The following UBE2E3 variants were observed in gnomAD, a reference collection of about 807,000 sequenced individuals.
UBE2E3 encodes ubiquitin-conjugating enzyme E2 E3.
UBE2E3 carries 5 observed loss-of-function variants against 23.6 expected under a neutral mutation model. That is an observed-to-expected ratio of 0.21 (90% CI 0.11 to 0.44). The LOEUF (loss-of-function observed/expected upper bound fraction) is 0.44. Ranked by LOEUF, UBE2E3 falls within the 20% of genes least tolerant of loss-of-function variation. The probability of loss-of-function intolerance (pLI) is 0.99; values close to 1 mark genes in which losing one functional copy is unlikely to be tolerated. For synonymous variants in UBE2E3, 78 were observed against 87.5 expected (o/e 0.89, Z 0.60); for missense variants, 81 against 249.8 (o/e 0.32, Z 4.55).
chr2:180,993,654 A>G (rs1684739063), intron 3 of UBE2E3, among the ~76,000 whole-genome samples: 1 of 152,144 alleles, frequency 6.6e-6, no homozygotes, highest in Middle Eastern at 3.4e-3. Flanking sequence ...GAGGATGGTT[A>G]TTTGTAGTTA....
chr2:181,052,722 T>C (rs749715531), intron 3 of UBE2E3, among the ~76,000 whole-genome samples: 36 of 150,590 alleles, frequency 2.4e-4, no homozygotes, highest in Non-Finnish European at 4.3e-4. Context: ...TAGTTTCTAA[T>C]CATATCAAGA....
chr2:180,998,633 C>T (rs899054844), intron 3 of UBE2E3, among the ~76,000 whole-genome samples: 3 of 151,830 alleles, frequency 2.0e-5, no homozygotes, highest in Non-Finnish European at 4.4e-5. Flanking sequence ...AATGTGGGGG[C>T]GGGGGAAGTC....
Position 181,034,347 on chromosome 2 carries a change from A to G in UBE2E3, c.246-23346A>G, listed in dbSNP as rs866648530. Among the ~76,000 whole-genome samples the G allele has an allele frequency of 3.0e-4, 46 of 152,376 alleles. 2 individuals are homozygous for G. The Middle Eastern group carries it at 0.024, about 79-fold the overall frequency. On this transcript the variant is annotated intron_variant, in intron 3 of 5. Transcript: ENST00000410062. ...ATACACCATGGAATACTGTGCAGCC[A>G]TAAGAAAGGATGAGTTCATGTCCTT...
At chr2:181,035,610 G>C (rs1686245998) in intron 3 of UBE2E3, among the ~76,000 whole-genome samples, 1 of 152,032 alleles carries the variant, frequency 6.6e-6, no homozygotes, top group Non-Finnish European at 1.5e-5. Context: ...ATGACCCGTG[G>C]GTCACATGCG....
intron 3 of UBE2E3, among the ~76,000 whole-genome samples, chr2:181,008,737 C>G (rs1685227600): frequency 6.6e-6 from 1 of 152,158 alleles, no homozygotes; most frequent in African/African-American, 2.4e-5. Context: ...TAGAGCAGGT[C>G]AGAGAGCACT....
chr2:180,988,260 T>TTGGCATTTTCTCTAGTGCAG (rs1317203320), intron 3 of UBE2E3, among the ~76,000 whole-genome samples: 3 of 152,156 alleles, frequency 2.0e-5, no homozygotes, highest in African/African-American at 7.2e-5. Flanking sequence ...CTCTAGTGCA[T>TTGGCATTTTCTCTAGTGCAG]TGACATCTTA....
rs568539302 is a variant in UBE2E3 at position 181,041,337 on chromosome 2, A to T, written c.246-16356A>T. ...ACCTCTCCTCATAGGGGCATTGAAC[A>T]GTAATAGAAGCTTAGAACATACTAC... On this transcript the variant is annotated intron_variant, in intron 3 of 5. Coordinates refer to ENST00000410062, the MANE Select transcript of UBE2E3 (RefSeq NM_006357.4). Among the ~76,000 whole-genome samples, 6 of 151,900 alleles carry T rather than the reference A, an allele frequency of 3.9e-5. No individual in the cohort carries two copies. In the South Asian group the frequency reaches 8.3e-4, roughly 21 times the overall value.
At chr2:181,003,368 A>T (rs2105595350) in intron 3 of UBE2E3, among the ~76,000 whole-genome samples, 1 of 152,366 alleles carries the variant, frequency 6.6e-6, no homozygotes, top group East Asian at 1.9e-4. Flanking sequence ...GATGACCTCT[A>T]ATGAGCAAAT....
intron 3 of UBE2E3, among the ~76,000 whole-genome samples, chr2:181,020,170 A>T (rs941875198): frequency 1.3e-5 from 2 of 152,130 alleles, no homozygotes; most frequent in Non-Finnish European, 2.9e-5. Flanking sequence ...TTGTCTCACA[A>T]ATCTAGAGGC....
At chr2:181,042,615 G>C (rs765772162) in intron 3 of UBE2E3, among the ~76,000 whole-genome samples, 3 of 152,160 alleles carry the variant, frequency 2.0e-5, no homozygotes, top group Non-Finnish European at 4.4e-5. Flanking sequence ...TTAGAATTCA[G>C]GTTCTGCCAC....
At chr2:181,046,444 C>T (rs753349269) in intron 3 of UBE2E3, among the ~76,000 whole-genome samples, 3 of 152,254 alleles carry the variant, frequency 2.0e-5, no homozygotes, top group South Asian at 2.1e-4. Context: ...GTTTAAGCCT[C>T]ATGATAAACT....
intron 3 of UBE2E3, among the ~76,000 whole-genome samples, chr2:181,037,798 A>G (rs1171884083): frequency 6.6e-6 from 1 of 152,128 alleles, no homozygotes; most frequent in Non-Finnish European, 1.5e-5. Context: ...GCAAGACACC[A>G]TCTCTACAAA....
chr2:181,058,550 AT>A (rs1687047861), intron 4 of UBE2E3, among the ~76,000 whole-genome samples: 1 of 151,740 alleles, frequency 6.6e-6, no homozygotes, highest in Non-Finnish European at 1.5e-5. Flanking sequence ...AAGCATGAGC[AT>A]TATTATGCTG....
At chr2:181,054,246 T>C (rs568323638) in intron 3 of UBE2E3, among the ~76,000 whole-genome samples, 3 of 151,964 alleles carry the variant, frequency 2.0e-5, no homozygotes, top group East Asian at 1.9e-4. Context: ...TGGTAAGATA[T>C]GTTTATGTTT....
intron 3 of UBE2E3, among the ~76,000 whole-genome samples, chr2:181,009,699 T>C (rs1010323870): frequency 1.3e-5 from 2 of 152,116 alleles, no homozygotes; most frequent in African/African-American, 2.4e-5. Context: ...TTCTAACTTC[T>C]ACTTAAGTGA....
At chr2:180,995,457 A>G (rs948170171) in intron 3 of UBE2E3, among the ~76,000 whole-genome samples, 2 of 152,172 alleles carry the variant, frequency 1.3e-5, no homozygotes, top group Admixed American at 1.3e-4. Context: ...GTAACATACA[A>G]AACGTTTCTG....
intron 3 of UBE2E3, among the ~76,000 whole-genome samples, chr2:181,045,952 T>G (rs1272590352): frequency 6.6e-6 from 1 of 152,214 alleles, no homozygotes; most frequent in East Asian, 1.9e-4. Context: ...AGTCTGCTTA[T>G]ATAAGTGACT....
Position 181,001,510 on chromosome 2 carries a change from G to T in UBE2E3, c.245+17417G>T, listed in dbSNP as rs140253756. On this transcript the variant is annotated intron_variant, in intron 3 of 5. Coordinates refer to ENST00000410062, the MANE Select transcript of UBE2E3 (RefSeq NM_006357.4). ...ACAACAAAAGAGACAATTTGGAGAA[G>T]GGATGGATTGATACAGCACCAGATA... 2.7e-3 allele frequency among the ~76,000 whole-genome samples: 416 copies of T among 152,278 alleles called. 3 individuals are homozygous for T. The highest frequency in any genetic ancestry group is 9.7e-3 in the African/African-American group (403 of 41,558).
At chr2:180,995,473 G>A (rs1281497879) in intron 3 of UBE2E3, among the ~76,000 whole-genome samples, 1 of 152,026 alleles carries the variant, frequency 6.6e-6, no homozygotes, top group Non-Finnish European at 1.5e-5. Context: ...TTCTGTTATT[G>A]GTAAGGCTTC....
Sources: allele counts gnomAD v4.1 joint callset (sites outside exome capture counted in the v4.1 genomes callset), GRCh38; gene constraint gnomAD v4.1.1; transcripts MANE v1.5; gene names NCBI Gene and HGNC (gene_info 2026-07-23, HGNC 2026-07-21).